DYM: variants seen among roughly 807,000 people sequenced by gnomAD.
DYM encodes the protein dymeclin, also known as dyggve-Melchior-Clausen syndrome protein.
In DYM, 78 loss-of-function variants were observed where a neutral mutation model predicts 93.1. The observed-to-expected ratio is 0.84, with a 90% CI of 0.70 to 1.01. The LOEUF is 1.01. Among genes scored for constraint, DYM ranks in the 50% least tolerant of loss-of-function variants. The pLI, the probability that DYM is intolerant of heterozygous loss-of-function variation, is 0.00. For missense variants in DYM, 789 were observed against 845.0 expected (o/e 0.93, Z 0.82); for synonymous variants, 321 against 319.7 (o/e 1.00, Z -0.04).
chr18:49,374,027 C>T (rs1599751702), intron 5 of DYM, among the ~76,000 whole-genome samples: 1 of 152,220 alleles, frequency 6.6e-6, no homozygotes, highest in East Asian at 1.9e-4. Context: ...GGCTAATGAT[C>T]AAAATAGTAA....
At chr18:49,057,357 T>C (rs1165524944) in intron 17 of DYM, among the ~76,000 whole-genome samples, 3 of 152,178 alleles carry the variant, frequency 2.0e-5, no homozygotes, top group Admixed American at 2.0e-4. Context: ...TGAGCCCAGG[T>C]CTCTCGTGGA....
At chr18:49,378,153 C>T (rs759803970) in intron 5 of DYM, among the ~76,000 whole-genome samples, 10 of 152,306 alleles carry the variant, frequency 6.6e-5, no homozygotes, top group South Asian at 4.1e-4. Context: ...TATTGCTGCA[C>T]GCTATGAAAG....
intron 16 of DYM, among the ~76,000 whole-genome samples, chr18:49,114,192 G>T (rs1568443848): frequency 6.6e-6 from 1 of 152,314 alleles, no homozygotes; most frequent in East Asian, 1.9e-4. Flanking sequence ...TTTCTTATCT[G>T]TAAAGTGGGA....
At chr18:49,390,833 T>C (rs2069158277) in intron 3 of DYM, 1 of 152,442 alleles carries the variant, frequency 6.6e-6, no homozygotes, top group Admixed American at 6.5e-5. Context: ...AACAGAATAT[T>C]GTTCTCACTT....
chr18:49,058,242 A>C (rs1321610200), intron 17 of DYM, among the ~76,000 whole-genome samples: 1 of 152,216 alleles, frequency 6.6e-6, no homozygotes, highest in Non-Finnish European at 1.5e-5. Context: ...TTTCAAAACA[A>C]GGAATTAAGA....
At chr18:49,175,778 T>C (rs1445761874) in intron 14 of DYM, among the ~76,000 whole-genome samples, 6 of 152,118 alleles carry the variant, frequency 3.9e-5, no homozygotes, top group Non-Finnish European at 8.8e-5. Flanking sequence ...TGCTCCATAT[T>C]TCAACACTAT....
chr18:49,170,152 A>G (rs1333262301), intron 14 of DYM, among the ~76,000 whole-genome samples: 1 of 152,184 alleles, frequency 6.6e-6, no homozygotes, highest in East Asian at 1.9e-4. Context: ...CATGTGAGGT[A>G]GGTCCTACCA....
chr18:49,351,905 A>C (rs532130471), intron 6 of DYM, among the ~76,000 whole-genome samples: 1 of 152,358 alleles, frequency 6.6e-6, no homozygotes, highest in South Asian at 2.1e-4. Flanking sequence ...AATAGTGAAG[A>C]GGAATCCCAG....
chr18:49,223,386 G>A (rs2093429038), intron 13 of DYM, among the ~76,000 whole-genome samples: 2 of 152,042 alleles, frequency 1.3e-5, no homozygotes, highest in South Asian at 2.1e-4. Context: ...ACACAAATGG[G>A]CATGGCTGTG....
intron 2 of DYM, among the ~76,000 whole-genome samples, chr18:49,412,383 T>C (rs1051932539): frequency 6.6e-6 from 1 of 152,176 alleles, no homozygotes; most frequent in Non-Finnish European, 1.5e-5. Context: ...AAGGGACTGA[T>C]TAATCCTGGG....
chr18:49,362,106 T>G (rs2066082498), intron 6 of DYM, among the ~76,000 whole-genome samples: 1 of 149,102 alleles, frequency 6.7e-6, no homozygotes, highest in Non-Finnish European at 1.5e-5. Flanking sequence ...ATCCAAACAA[T>G]ACACCTGCCT....
At chr18:49,196,707 G>C (rs1405041680) in intron 14 of DYM, among the ~76,000 whole-genome samples, 1 of 152,198 alleles carries the variant, frequency 6.6e-6, no homozygotes, top group Non-Finnish European at 1.5e-5. Context: ...GGAAGAGAAA[G>C]CACAATTGAT....
chr18:49,438,725 C>T (rs1387208484), intron 1 of DYM, among the ~76,000 whole-genome samples: 1 of 152,156 alleles, frequency 6.6e-6, no homozygotes, highest in Non-Finnish European at 1.5e-5. Flanking sequence ...CTGGAGTATA[C>T]AGGAGGAATA....
At chr18:49,104,142 G>A (rs1301845321) in intron 16 of DYM, among the ~76,000 whole-genome samples, 1 of 152,028 alleles carries the variant, frequency 6.6e-6, no homozygotes, top group Non-Finnish European at 1.5e-5. Flanking sequence ...CTTGTAAGTT[G>A]GATTCCTAGG....
At chr18:49,077,197 TTG>T (rs926086989) in intron 17 of DYM, among the ~76,000 whole-genome samples, 2 of 152,224 alleles carry the variant, frequency 1.3e-5, no homozygotes, top group Non-Finnish European at 2.9e-5. Context: ...TTGTATACAA[TTG>T]TGTGACCACA....
At chr18:49,116,830 C>T (rs148625481) in intron 16 of DYM, among the ~76,000 whole-genome samples, 48 of 152,204 alleles carry the variant, frequency 3.2e-4, no homozygotes, top group South Asian at 1.4e-3. Flanking sequence ...GGAGTTAACT[C>T]GTGATAGGTG....
chr18:49,303,050 C>A (rs1380698092), intron 8 of DYM, among the ~76,000 whole-genome samples: 1 of 152,208 alleles, frequency 6.6e-6, no homozygotes, highest in East Asian at 1.9e-4. Context: ...CTCTCCCACT[C>A]CTTCATCCTC....
At chr18:49,099,503 G>T (rs78822067) in intron 16 of DYM, among the ~76,000 whole-genome samples, 3,743 of 152,058 alleles carry the variant, frequency 0.025, 54 homozygotes, top group South Asian at 0.064. Context: ...ATATGTTCTA[G>T]TTCTTTATAA....
At chr18:49,439,721 A>T (rs913431336) in intron 1 of DYM, among the ~76,000 whole-genome samples, 1 of 152,180 alleles carries the variant, frequency 6.6e-6, no homozygotes, top group Non-Finnish European at 1.5e-5. Flanking sequence ...ACTTGGTAAC[A>T]GGCCAGGAAC....
Sources: gnomAD v4.1 joint callset for allele counts (sites outside exome capture counted in the v4.1 genomes callset) on GRCh38, gnomAD v4.1.1 for gene constraint, MANE v1.5 for transcripts, NCBI Gene and HGNC (gene_info 2026-07-23, HGNC 2026-07-21) for gene names.